CD200: variants seen among roughly 807,000 people sequenced by gnomAD.
CD200 encodes the protein CD200 molecule, also known as OX-2 membrane glycoprotein.
In CD200, 15 loss-of-function variants were observed where a neutral mutation model predicts 30.9. The observed-to-expected ratio is 0.49, with a 90% confidence interval of 0.32 to 0.75. The LOEUF (loss-of-function observed/expected upper bound fraction) is 0.75, where lower values mean the gene tolerates loss of function less well. CD200 is among the 30% of genes least tolerant of loss of function. The pLI, the probability that CD200 is intolerant of heterozygous loss-of-function variation, is 0.03. For missense variants in CD200, 262 were observed against 324.2 expected, an observed-to-expected ratio of 0.81 and a Z score of 1.47; for synonymous variants, 134 against 126.2, an observed-to-expected ratio of 1.06 and a Z score of -0.41.
chr3:112,353,462 T>C (rs2081573547), intron 5 of CD200, among the ~76,000 whole-genome samples: 1 of 152,208 alleles, frequency 6.6e-6, no homozygotes, highest in Admixed American at 6.5e-5. Flanking sequence ...ATGAGCTGTA[T>C]ATTTATCTTG....
intron 2 of CD200, among the ~76,000 whole-genome samples, 178 bp downstream of exon 2, chr3:112,341,161 G>A (rs945852191): frequency 1.3e-5 from 2 of 152,228 alleles, no homozygotes; most frequent in South Asian, 2.1e-4. Context: ...TTTTGTTTTC[G>A]ATGTAGAAGC....
intron 2 of CD200, among the ~76,000 whole-genome samples, chr3:112,343,260 T>A (rs534939035): frequency 3.3e-5 from 5 of 151,706 alleles, no homozygotes; most frequent in Non-Finnish European, 7.4e-5. Context: ...AAAACATTGA[T>A]AATATTAAAT....
chr3:112,347,502 C>A, intron 3 of CD200, 56 bp from the exon 4 acceptor site: 1 of 1,529,844 alleles, frequency 6.5e-7, no homozygotes, highest in Non-Finnish European at 9.0e-7. Flanking sequence ...GAGGAGACTG[C>A]AGGACTCAGA....
chr3:112,335,243 C>T (rs1244055337), intron 1 of CD200, among the ~76,000 whole-genome samples: 1 of 151,858 alleles, frequency 6.6e-6, no homozygotes, highest in African/African-American at 2.4e-5. Flanking sequence ...AGTATAATAC[C>T]CAGCAGTGGA....
At chr3:112,337,195 G>A (rs896875407) in intron 1 of CD200, among the ~76,000 whole-genome samples, 2 of 152,138 alleles carry the variant, frequency 1.3e-5, no homozygotes, top group African/African-American at 4.8e-5. Flanking sequence ...CTGTGGCATG[G>A]CAGACAAAGG....
At chr3:112,335,849 C>CA in intron 1 of CD200, 1 of 883,902 alleles carries the variant, frequency 1.1e-6, no homozygotes. Flanking sequence ...TGGTGCTCAA[C>CA]ACACACAACC....
At chr3:112,341,724 A>G (rs2081242693) in intron 2 of CD200, among the ~76,000 whole-genome samples, 1 of 152,104 alleles carries the variant, frequency 6.6e-6, no homozygotes, top group African/African-American at 2.4e-5. Context: ...TTTCCCCTAA[A>G]TGATTTCTTC....
chr3:112,333,614 C>A (rs1314520857), intron 1 of CD200: 20 of 985,284 alleles, frequency 2.0e-5, no homozygotes, highest in Non-Finnish European at 2.3e-5. Context: ...TTAAACTGCC[C>A]CCAAAAGGGA....
chr3:112,335,479 G>A (rs944581989), intron 1 of CD200, among the ~76,000 whole-genome samples: 52 of 152,170 alleles, frequency 3.4e-4, no homozygotes, highest in African/African-American at 7.2e-5. Flanking sequence ...ATATAATCTT[G>A]AATTCTCTGT....
chr3:112,361,469 T>G, intron 5 of CD200, 74 bp from the exon 6 acceptor site: 1 of 1,142,500 alleles, frequency 8.8e-7, no homozygotes, highest in East Asian at 2.3e-5. Flanking sequence ...CTCTCTATTA[T>G]TTATCTTCTT....
At chr3:112,355,622 G>A (rs376529945) in intron 5 of CD200, among the ~76,000 whole-genome samples, 16 of 152,052 alleles carry the variant, frequency 1.1e-4, no homozygotes, top group African/African-American at 3.1e-4. Context: ...GTATTAAACC[G>A]GGAATTTCTC....
intron 1 of CD200, among the ~76,000 whole-genome samples, chr3:112,340,427 A>G (rs974870927): frequency 1.1e-4 from 17 of 152,244 alleles, no homozygotes; most frequent in African/African-American, 3.9e-4. Flanking sequence ...TAAGACTTGC[A>G]GAATTAAAAT....
chr3:112,355,819 T>C (rs893235868), intron 5 of CD200, among the ~76,000 whole-genome samples: 3 of 152,116 alleles, frequency 2.0e-5, no homozygotes, highest in Non-Finnish European at 4.4e-5. Context: ...TAAAAATATA[T>C]ATATTTGATG....
At chr3:112,342,393 CTTTCTTTCTTTCTTTCTTTCT>C (rs2081281727) in intron 2 of CD200, among the ~76,000 whole-genome samples, 1 of 50,898 alleles carries the variant, frequency 2.0e-5, no homozygotes, top group African/African-American at 7.4e-5. Context: ...TTCTTTCTTT[CTTTCTTTCTTTCTTTCTTTCT>C]TTCTTTCTTT....
intron 5 of CD200, among the ~76,000 whole-genome samples, chr3:112,357,313 GA>G (rs2081646959): frequency 6.6e-6 from 1 of 150,568 alleles, no homozygotes; most frequent in Admixed American, 6.6e-5. Context: ...TACCTAAAAC[GA>G]ATGATACGCT....
chr3:112,362,642 C>A lies in CD200; in HGVS notation c.*1092C>A, dbSNP rs1022669499. 1.3e-5 allele frequency: 2 copies of A among 152,468 alleles called. No homozygotes were observed. The highest frequency in any genetic ancestry group is 4.8e-5 in the African/African-American group (2 of 41,394). The allele number at this position is 152,468 out of a possible 1,614,324, so 9.4% of individuals were successfully genotyped here. On this transcript the variant is annotated 3_prime_UTR_variant, in exon 6 of 6. Transcript: ENST00000315711. ...TAATTAGTTGCTTTTTCAGTATCTT[C>A]TGCTTTGTCTGTGTCTATCCAGTGG... is the stretch of plus-strand genomic sequence containing the variant.
chr3:112,356,707 T>C (rs2081629121), intron 5 of CD200, among the ~76,000 whole-genome samples: 1 of 152,266 alleles, frequency 6.6e-6, no homozygotes, highest in African/African-American at 2.4e-5. Flanking sequence ...TTTTCAACTG[T>C]TAATTTTAGC....
At chr3:112,349,660 A>G in intron 4 of CD200, 52 bp from the exon 5 acceptor site, 1 of 1,525,748 alleles carries the variant, frequency 6.6e-7, no homozygotes, top group Non-Finnish European at 8.8e-7. Context: ...TTTTGCCTCA[A>G]CAATTTCCTC....
At chr3:112,354,799 G>A (rs1012011446) in intron 5 of CD200, among the ~76,000 whole-genome samples, 1 of 152,180 alleles carries the variant, frequency 6.6e-6, no homozygotes, top group Non-Finnish European at 1.5e-5. Context: ...ATTCCTTTCT[G>A]GAGGCTCTAG....
Sources: allele counts gnomAD v4.1 joint callset (sites outside exome capture counted in the v4.1 genomes callset), GRCh38; gene constraint gnomAD v4.1.1; transcripts MANE v1.5; gene names NCBI Gene and HGNC (gene_info 2026-07-23, HGNC 2026-07-21).